Variants in STAG2 observed in about 807,000 individuals in gnomAD.
The protein encoded by STAG2 is STAG2 cohesin complex component.
Under a neutral mutation model 108.1 loss-of-function variants are expected in STAG2, and 14 were observed. That is an observed-to-expected ratio of 0.13 (90% CI 0.09 to 0.20). The LOEUF (loss-of-function observed/expected upper bound fraction) is 0.20, where lower values mean the gene tolerates loss of function less well. Among genes scored for constraint, STAG2 ranks in the 10% least tolerant of loss-of-function variants. The probability of loss-of-function intolerance (pLI) is 1.00; values close to 1 mark genes in which losing one functional copy is unlikely to be tolerated. For missense variants in STAG2, 440 were observed against 940.9 expected (o/e 0.47, Z 6.96); for synonymous variants, 307 against 302.7 (o/e 1.01, Z -0.15).
intron 1 of STAG2, among the ~76,000 whole-genome samples, chrX:123,967,066 G>C (rs2054128605): frequency 9.2e-6 from 1 of 108,907 alleles, no homozygotes; most frequent in Non-Finnish European, 1.9e-5. Flanking sequence ...TGTGTTTTTA[G>C]TAGAGACAGA....
rs532145505 is a variant in STAG2 at position 124,051,886 on chromosome X, G to C, written c.1196+492G>C. Among the ~76,000 whole-genome samples the C allele has an allele frequency of 2.7e-5, 3 of 112,491 alleles. No individual in the cohort carries two copies. In the South Asian group the frequency reaches 1.1e-3, roughly 41 times the overall value. On this transcript the variant is annotated intron_variant, in intron 13 of 34. Coordinates refer to ENST00000371145, the MANE Select transcript of STAG2 (RefSeq NM_001042750.2). ...ATTACAGGCGTGAGCCACTGCGCCT[G>C]ACCGAATATGGAAATTCTAACTGAG...
intron 29 of STAG2, among the ~76,000 whole-genome samples, chrX:124,084,626 T>C (rs2059053587): frequency 8.9e-6 from 1 of 112,008 alleles, no homozygotes; most frequent in Admixed American, 9.5e-5. Context: ...CCAAGTTCTG[T>C]ATCTTGTTAG....
chrX:124,061,194 T>G (rs755174323), intron 15 of STAG2, 30 bp from the exon 16 acceptor site: 2 of 1,077,813 alleles, frequency 1.9e-6, no homozygotes, highest in Non-Finnish European at 2.5e-6. Context: ...GATAATTGTC[T>G]AAGACCACAT....
upstream of STAG2, chrX:123,961,494 G>C (rs1441780941): frequency 9.0e-6 from 1 of 110,762 alleles, no homozygotes; most frequent in East Asian, 2.9e-4. Flanking sequence ...TGGTTGGGGT[G>C]GGGGAGAGCG....
chrX:124,051,434 A>G (rs1431121539), intron 13 of STAG2, 40 bp downstream of exon 13: 6 of 1,034,547 alleles, frequency 5.8e-6, no homozygotes, highest in Non-Finnish European at 6.7e-6. Flanking sequence ...TAATGTTCAG[A>G]TATCTAAATA....
intron 1 of STAG2, among the ~76,000 whole-genome samples, chrX:124,000,441 G>A (rs186304969): frequency 8.1e-5 from 9 of 111,241 alleles, no homozygotes; most frequent in African/African-American, 2.9e-4. Context: ...AGGCTGAGAC[G>A]GGAGGATCAG....
At chrX:124,098,367 AT>A (rs1195440658) in intron 34 of STAG2, among the ~76,000 whole-genome samples, 88 of 109,219 alleles carry the variant, frequency 8.1e-4, no homozygotes, top group African/African-American at 2.5e-3. Context: ...TGACCATGTA[AT>A]TTTTTTTTTA....
intron 1 of STAG2, among the ~76,000 whole-genome samples, chrX:123,973,370 G>A (rs150964553): frequency 5.9e-4 from 63 of 106,671 alleles, no homozygotes; most frequent in Middle Eastern, 9.7e-3. Flanking sequence ...GTGAGACCCC[G>A]TCTCTACTAA....
intron 26 of STAG2, among the ~76,000 whole-genome samples, chrX:124,076,810 G>T (rs761110007): frequency 1.8e-5 from 2 of 109,652 alleles, no homozygotes; most frequent in Admixed American, 9.9e-5. Context: ...GAAGACTTGG[G>T]TGGTAGTTTT....
intron 4 of STAG2, among the ~76,000 whole-genome samples, chrX:124,028,818 ATATATT>A (rs1420029850): frequency 0.034 from 1,182 of 34,584 alleles, 8 homozygotes; most frequent in East Asian, 0.061. Context: ...ATATATATAT[ATATATT>A]TTTTTTTTTA....
intron 1 of STAG2, among the ~76,000 whole-genome samples, chrX:124,007,096 G>A (rs1047650448): frequency 1.8e-5 from 2 of 108,825 alleles, no homozygotes; most frequent in Non-Finnish European, 3.8e-5. Context: ...GTACTCCTGG[G>A]CTCAAGCGAT....
chrX:124,000,146 G>A (rs199427), intron 1 of STAG2, among the ~76,000 whole-genome samples: 34,088 of 109,214 alleles, frequency 0.31, 4,466 homozygotes, highest in African/African-American at 0.49. Context: ...CTATAATATT[G>A]TAATGGAGCT....
chrX:124,090,148 G>A (rs750806426), intron 30 of STAG2, among the ~76,000 whole-genome samples: 16 of 70,809 alleles, frequency 2.3e-4, no homozygotes, highest in East Asian at 5.6e-4. Flanking sequence ...GTGACAGAGC[G>A]AGACTCTGTC....
intron 1 of STAG2, among the ~76,000 whole-genome samples, chrX:123,971,457 C>T (rs894335916): frequency 1.8e-5 from 2 of 111,826 alleles, no homozygotes; most frequent in Admixed American, 9.5e-5. Flanking sequence ...GTAGAGATTT[C>T]TATGGGAATG....
intron 34 of STAG2, chrX:124,097,710 C>G (rs1436576456): frequency 2.9e-6 from 1 of 339,356 alleles, no homozygotes; most frequent in African/African-American, 2.6e-5. Context: ...TTTCCACTTT[C>G]ATACCATAGC....
At position 124,047,496 on chromosome X, in the gene STAG2, G is replaced by A; in HGVS notation, c.810G>A (p.Lys270=). 8.3e-7 allele frequency: 1 copy of A among 1,205,686 alleles called. No homozygotes were observed. Residue 270 remains lysine, a synonymous_variant, in exon 9 of 35, where the codon AAG becomes AAA. Coordinates refer to ENST00000371145, the MANE Select transcript of STAG2 (RefSeq NM_001042750.2). ...ANERLELLLQ[K]RKELQENQDE... ...AGAGGCTAGAACTCCTGCTACAAAAGCGGAAAGAGGTAAACTTTTATATTG... is the reference window on the plus strand; with the variant it reads ...AGAGGCTAGAACTCCTGCTACAAAAACGGAAAGAGGTAAACTTTTATATTG...
chrX:123,969,687 G>C (rs947607947), intron 1 of STAG2, among the ~76,000 whole-genome samples: 4 of 108,809 alleles, frequency 3.7e-5, no homozygotes, highest in African/African-American at 1.3e-4. Context: ...CGCGCTTGTT[G>C]CCCAGGCTGT....
At chrX:124,055,662 A>C (rs199886781) in intron 13 of STAG2, among the ~76,000 whole-genome samples, 19,904 of 111,601 alleles carry the variant, frequency 0.18, 1,397 homozygotes, top group East Asian at 0.37. Context: ...GCATTGCCTT[A>C]CATGGTGTTC....
At chrX:124,098,771 C>T (rs899718413) in intron 34 of STAG2, among the ~76,000 whole-genome samples, 3 of 111,423 alleles carry the variant, frequency 2.7e-5, no homozygotes, top group African/African-American at 9.8e-5. Context: ...CTAAATAAAT[C>T]GTAAAAATAT....
Sources: allele counts gnomAD v4.1 joint callset (sites outside exome capture counted in the v4.1 genomes callset), GRCh38; gene constraint gnomAD v4.1.1; transcripts MANE v1.5; gene names NCBI Gene and HGNC (gene_info 2026-07-23, HGNC 2026-07-21).